The following RBFOX3 variants were observed in gnomAD, a reference collection of about 807,000 sequenced individuals.
The protein encoded by RBFOX3 is RNA binding protein fox-1 homolog 3.
In RBFOX3, 17 loss-of-function variants were observed where a neutral mutation model predicts 48.7. The observed-to-expected ratio is 0.35, with a 90% CI of 0.24 to 0.52. The LOEUF (loss-of-function observed/expected upper bound fraction) is 0.52, where lower values mean the gene tolerates loss of function less well. RBFOX3 is among the 20% of genes least tolerant of loss of function. The pLI, the probability that RBFOX3 is intolerant of heterozygous loss-of-function variation, is 0.94. For missense variants in RBFOX3, 382 were observed against 497.5 expected (o/e 0.77, Z 2.21); for synonymous variants, 212 against 209.5 (o/e 1.01, Z -0.10).
intron 4 of RBFOX3, among the ~76,000 whole-genome samples, chr17:79,174,707 C>G (rs750372723): frequency 6.6e-6 from 1 of 152,008 alleles, no homozygotes; most frequent in East Asian, 1.9e-4. Flanking sequence ...TGCACACACA[C>G]AGACACATGC....
intron 1 of RBFOX3, among the ~76,000 whole-genome samples, chr17:79,522,029 C>T (rs1355885455): frequency 2.6e-5 from 4 of 152,104 alleles, no homozygotes; most frequent in East Asian, 3.9e-4. Flanking sequence ...GACCTTCACC[C>T]GACGGAATCT....
chr17:79,399,402 T>C (rs1340429738), intron 2 of RBFOX3, among the ~76,000 whole-genome samples: 1 of 152,166 alleles, frequency 6.6e-6, no homozygotes, highest in Non-Finnish European at 1.5e-5. Context: ...CGCTTCTGAT[T>C]AGAGTGACAG....
intron 3 of RBFOX3, among the ~76,000 whole-genome samples, chr17:79,273,494 C>CA (rs1461570026): frequency 6.7e-6 from 1 of 148,458 alleles, no homozygotes; most frequent in Non-Finnish European, 1.5e-5. Flanking sequence ...GCCCTGTGCC[C>CA]AGAGTCCCAG....
chr17:79,186,583 C>T (rs925502789), intron 4 of RBFOX3, among the ~76,000 whole-genome samples: 9 of 152,178 alleles, frequency 5.9e-5, no homozygotes, highest in African/African-American at 2.2e-4. Flanking sequence ...GTGGGGGAAG[C>T]CTGTGCTCCT....
At chr17:79,564,493 G>A (rs895392865) in intron 1 of RBFOX3, among the ~76,000 whole-genome samples, 4 of 152,130 alleles carry the variant, frequency 2.6e-5, no homozygotes, top group East Asian at 1.9e-4. Flanking sequence ...CCTGGAGGAC[G>A]CCTTAGCAGA....
intron 4 of RBFOX3, among the ~76,000 whole-genome samples, chr17:79,129,756 T>C (rs2038323901): frequency 6.6e-6 from 1 of 152,210 alleles, no homozygotes; most frequent in South Asian, 2.1e-4. Flanking sequence ...CTGGTGTAAA[T>C]ACTCCCACCA....
rs1417888978 is a variant in RBFOX3, at chr17:79,293,450, TCCTTCCTTCCTTCCTTC to T, written c.-74+14257_-74+14273del. 2.6e-3 allele frequency among the ~76,000 whole-genome samples: 235 copies of T among 88,986 alleles called. 2 individuals are homozygous for T. The highest frequency in any genetic ancestry group is 0.012 in the African/African-American group (229 of 19,466). 58.4% of individuals were successfully genotyped at this position (88,986 alleles called of 152,430 possible). Reference sequence around the variant, plus strand: ...TTCCTTCCTTCCTTCCTTCCTTCCTTCCTTCCTTCCTTCCTTCCCTTCCTTCCTGTCTCACTCTGTCT... The same window carrying T: ...TTCCTTCCTTCCTTCCTTCCTTCCTTCCTTCCTTCCTGTCTCACTCTGTCT... On this transcript the variant is annotated intron_variant, in intron 3 of 14. Coordinates refer to ENST00000693108, the MANE Select transcript of RBFOX3 (RefSeq NM_001350451.2).
intron 1 of RBFOX3, among the ~76,000 whole-genome samples, chr17:79,565,176 T>C (rs1413070355): frequency 6.6e-6 from 1 of 152,070 alleles, no homozygotes; most frequent in African/African-American, 2.4e-5. Context: ...TATACCAAAA[T>C]GTTAAAGTAG....
chr17:79,573,180 C>T (rs1344357465), intron 1 of RBFOX3, among the ~76,000 whole-genome samples: 6 of 152,194 alleles, frequency 3.9e-5, no homozygotes, highest in Non-Finnish European at 7.3e-5. Context: ...AGCCCAGCCA[C>T]TCTAGAAGTC....
chr17:79,156,241 C>T (rs1273589442), intron 4 of RBFOX3, among the ~76,000 whole-genome samples: 2 of 152,214 alleles, frequency 1.3e-5, no homozygotes, highest in African/African-American at 4.8e-5. Context: ...AACTGTCCTT[C>T]AGCCTCTGCT....
intron 1 of RBFOX3, among the ~76,000 whole-genome samples, chr17:79,570,329 G>A (rs1251812891): frequency 6.6e-6 from 1 of 152,066 alleles, no homozygotes; most frequent in Non-Finnish European, 1.5e-5. Context: ...GGATGGATAG[G>A]TGGATTACAG....
chr17:79,171,663 C>T (rs1307191714), intron 4 of RBFOX3, among the ~76,000 whole-genome samples: 1 of 145,762 alleles, frequency 6.9e-6, no homozygotes, highest in Non-Finnish European at 1.5e-5. Context: ...GATCTTGCCA[C>T]TTTGCCCAGG....
chr17:79,524,376 C>T (rs982314161), intron 1 of RBFOX3, among the ~76,000 whole-genome samples: 1 of 152,212 alleles, frequency 6.6e-6, no homozygotes, highest in African/African-American at 2.4e-5. Flanking sequence ...CCTCCCCCAG[C>T]TTAATGGAGG....
Position 79,158,646 on chromosome 17 carries a change from T to A in RBFOX3, c.-33-42898A>T, listed in dbSNP as rs367852655. ...CTTGCTAAGGACGCCCGACCAAGGCTGGCAAGGAAGGTGGCTAGGGCTCAG... is the reference window on the plus strand; with the variant it reads ...CTTGCTAAGGACGCCCGACCAAGGCAGGCAAGGAAGGTGGCTAGGGCTCAG... On this transcript the variant is annotated intron_variant, in intron 4 of 14. Transcript: ENST00000693108. 3.9e-5 allele frequency among the ~76,000 whole-genome samples: 6 copies of A among 152,252 alleles called. No individual in the cohort carries two copies. The South Asian group carries it at 1.2e-3, about 32-fold the overall frequency.
chr17:79,463,968 G>A (rs926416471), intron 2 of RBFOX3, among the ~76,000 whole-genome samples: 2 of 149,788 alleles, frequency 1.3e-5, no homozygotes, highest in Non-Finnish European at 3.0e-5. Flanking sequence ...CACCACCATC[G>A]CCACTGCCAC....
the RBFOX3 span, among the ~76,000 whole-genome samples, chr17:79,648,092 C>T: frequency 6.6e-6 from 1 of 152,254 alleles, no homozygotes. Context: ...CAGAGCTGGT[C>T]TGGGGGTGCA....
At chr17:79,367,699 G>A (rs2057981697) in intron 2 of RBFOX3, among the ~76,000 whole-genome samples, 1 of 152,136 alleles carries the variant, frequency 6.6e-6, no homozygotes, top group African/African-American at 2.4e-5. Context: ...CCCCTCCGGG[G>A]AGGACAGGCA....
chr17:79,554,315 T>C (rs1197123562), intron 1 of RBFOX3, among the ~76,000 whole-genome samples: 69 of 116,440 alleles, frequency 5.9e-4, no homozygotes, highest in East Asian at 9.9e-4. Flanking sequence ...CAGTCACCCC[T>C]CACCTGGCCC....
At chr17:79,368,940 G>A (rs1253858745) in intron 2 of RBFOX3, among the ~76,000 whole-genome samples, 2 of 152,176 alleles carry the variant, frequency 1.3e-5, no homozygotes, top group Non-Finnish European at 2.9e-5. Context: ...CCCATGACAG[G>A]ATGCAGCCAT....
Sources: gnomAD v4.1 joint callset for allele counts (sites outside exome capture counted in the v4.1 genomes callset) on GRCh38, gnomAD v4.1.1 for gene constraint, MANE v1.5 for transcripts, NCBI Gene and HGNC (gene_info 2026-07-23, HGNC 2026-07-21) for gene names.